PLCB1: variants seen among roughly 807,000 people sequenced by gnomAD.
The protein encoded by PLCB1 is phospholipase C beta 1.
A neutral mutation model predicts 161.8 loss-of-function variants in PLCB1; 46 were observed. That is an observed-to-expected ratio of 0.28 (90% CI 0.22 to 0.36). The LOEUF (loss-of-function observed/expected upper bound fraction) is 0.36, where lower values mean the gene tolerates loss of function less well. Ranked by LOEUF, PLCB1 falls within the 10% of genes least tolerant of loss-of-function variation. The pLI, the probability that PLCB1 is intolerant of heterozygous loss-of-function variation, is 1.00. For synonymous variants in PLCB1, 517 were observed against 503.7 expected (o/e 1.03, Z -0.35); for missense variants, 1,016 against 1,472.5 (o/e 0.69, Z 5.07).
intron 3 of PLCB1, among the ~76,000 whole-genome samples, chr20:8,437,467 A>G (rs73092025): frequency 0.15 from 22,675 of 152,250 alleles, 2,107 homozygotes; most frequent in African/African-American, 0.26. Context: ...ATTTCATTGT[A>G]GCACTATTGT....
chr20:8,847,289 C>T (rs1986723287), intron 31 of PLCB1, among the ~76,000 whole-genome samples: 1 of 152,182 alleles, frequency 6.6e-6, no homozygotes, highest in Non-Finnish European at 1.5e-5. Flanking sequence ...TGTCTTTCTA[C>T]TTCCCACCCA....
At chr20:8,680,095 T>G (rs565869934) in intron 9 of PLCB1, among the ~76,000 whole-genome samples, 2 of 152,298 alleles carry the variant, frequency 1.3e-5, no homozygotes, top group East Asian at 3.9e-4. Flanking sequence ...TGTTACTAAG[T>G]TTTTTAGAAA....
intron 25 of PLCB1, among the ~76,000 whole-genome samples, chr20:8,760,947 T>C (rs755516975): frequency 8.5e-5 from 13 of 152,224 alleles, no homozygotes; most frequent in Non-Finnish European, 1.5e-4. Context: ...ATTAGCAGTA[T>C]GTAGTGGAAT....
At chr20:8,482,491 T>A (rs1982547090) in intron 3 of PLCB1, among the ~76,000 whole-genome samples, 1 of 152,220 alleles carries the variant, frequency 6.6e-6, no homozygotes, top group Non-Finnish European at 1.5e-5. Context: ...TCCATTTACC[T>A]ATAGCAGTGC....
chr20:8,837,884 G>A (rs1418735543), intron 31 of PLCB1, among the ~76,000 whole-genome samples: 6 of 152,146 alleles, frequency 3.9e-5, no homozygotes, highest in Non-Finnish European at 8.8e-5. Context: ...GGCAGCACTC[G>A]ACCGTCAAAG....
intron 3 of PLCB1, among the ~76,000 whole-genome samples, chr20:8,581,666 T>C (rs577390869): frequency 6.6e-6 from 1 of 152,160 alleles, no homozygotes; most frequent in Non-Finnish European, 1.5e-5. Flanking sequence ...GAGGAGTTTC[T>C]TGGGATGCAT....
At chr20:8,659,101 T>C (rs957581497) in intron 9 of PLCB1, among the ~76,000 whole-genome samples, 13 of 152,098 alleles carry the variant, frequency 8.5e-5, no homozygotes, top group Admixed American at 2.6e-4. Flanking sequence ...ATATTTAGTC[T>C]GTGAGACCCT....
chr20:8,420,800 G>C (rs771710637), intron 3 of PLCB1, among the ~76,000 whole-genome samples: 2 of 152,186 alleles, frequency 1.3e-5, no homozygotes, highest in Non-Finnish European at 1.5e-5. Flanking sequence ...TCATAATTTG[G>C]TGCAAGACTG....
chr20:8,392,773 A>G (rs1381133198), intron 3 of PLCB1, among the ~76,000 whole-genome samples: 2 of 152,176 alleles, frequency 1.3e-5, no homozygotes, highest in Admixed American at 1.3e-4. Flanking sequence ...TGAATGGGAA[A>G]TGGCTGAAAA....
At chr20:8,499,109 A>G (rs1225553497) in intron 3 of PLCB1, among the ~76,000 whole-genome samples, 1 of 152,214 alleles carries the variant, frequency 6.6e-6, no homozygotes, top group African/African-American at 2.4e-5. Context: ...GTCTATTCTC[A>G]TGCCAAGATG....
intron 2 of PLCB1, among the ~76,000 whole-genome samples, chr20:8,268,952 C>T (rs1393451433): frequency 6.6e-6 from 1 of 152,000 alleles, no homozygotes; most frequent in Non-Finnish European, 1.5e-5. Context: ...TCAAAATATT[C>T]AGTGCACATG....
rs184970384 is a variant in PLCB1 at position 8,199,274 on chromosome 20, A to C, written c.177+48903A>C. 1.7e-3 allele frequency among the ~76,000 whole-genome samples: 252 copies of C among 152,238 alleles called. 2 individuals carry two copies. The highest frequency in any genetic ancestry group is 3.9e-3 in the African/African-American group (164 of 41,552). ...CATTGTCGGCAGCGCTGTAGTGGAC[A>C]TCCTTGCATGTTGATTGTGCATTCT... On this transcript the variant is annotated intron_variant, in intron 2 of 31. Coordinates refer to ENST00000338037, the MANE Select transcript of PLCB1 (RefSeq NM_015192.4).
intron 2 of PLCB1, among the ~76,000 whole-genome samples, chr20:8,339,970 A>C (rs1278900047): frequency 2.6e-5 from 4 of 152,168 alleles, no homozygotes; most frequent in African/African-American, 9.6e-5. Flanking sequence ...TCTTCACAAA[A>C]ATAAATAAAC....
intron 21 of PLCB1, among the ~76,000 whole-genome samples, chr20:8,739,879 T>G (rs1980781018): frequency 6.6e-6 from 1 of 152,182 alleles, no homozygotes; most frequent in Non-Finnish European, 1.5e-5. Flanking sequence ...AGAAATCACG[T>G]CAAGGCTGGG....
At chr20:8,195,446 C>T (rs1165756814) in intron 2 of PLCB1, among the ~76,000 whole-genome samples, 1 of 151,992 alleles carries the variant, frequency 6.6e-6, no homozygotes, top group African/African-American at 2.4e-5. Context: ...GGTGAAGACA[C>T]AGCAAAAAGA....
At chr20:8,241,788 G>A (rs980916595) in intron 2 of PLCB1, among the ~76,000 whole-genome samples, 6 of 151,956 alleles carry the variant, frequency 3.9e-5, no homozygotes, top group African/African-American at 1.4e-4. Flanking sequence ...AGAAATCAGT[G>A]AACACTGGAG....
At chr20:8,484,345 A>T in intron 3 of PLCB1, among the ~76,000 whole-genome samples, 1 of 148,210 alleles carries the variant, frequency 6.7e-6, no homozygotes. Context: ...ATCTTTTGCT[A>T]GCTGCTGCTT....
chr20:8,811,868 A>T (rs1984838156), intron 31 of PLCB1, among the ~76,000 whole-genome samples: 1 of 152,214 alleles, frequency 6.6e-6, no homozygotes, highest in Admixed American at 6.5e-5. Context: ...TATTTTGCAC[A>T]TAATAAACTC....
At chr20:8,322,210 T>C (rs993073392) in intron 2 of PLCB1, among the ~76,000 whole-genome samples, 4 of 152,152 alleles carry the variant, frequency 2.6e-5, no homozygotes, top group Non-Finnish European at 1.5e-5. Flanking sequence ...CTGGGGTTCC[T>C]TTCCCCAGAT....
Sources: allele counts gnomAD v4.1 joint callset (sites outside exome capture counted in the v4.1 genomes callset), GRCh38; gene constraint gnomAD v4.1.1; transcripts MANE v1.5; gene names NCBI Gene and HGNC (gene_info 2026-07-23, HGNC 2026-07-21).